The following DLG2 variants were observed in gnomAD, a reference collection of about 807,000 sequenced individuals.
The protein encoded by DLG2 is disks large homolog 2.
In DLG2, 45 loss-of-function variants were observed where a neutral mutation model predicts 132.5. The ratio of observed to expected loss-of-function variants is 0.34; its 90% CI spans 0.27 to 0.44. The LOEUF (loss-of-function observed/expected upper bound fraction) is 0.44. Among genes scored for constraint, DLG2 ranks in the 20% least tolerant of loss-of-function variants. The pLI is 1.00. For missense variants in DLG2, 1,045 were observed against 1,196.9 expected, an observed-to-expected ratio of 0.87 and a Z score of 1.87; for synonymous variants, 424 against 419.6, an observed-to-expected ratio of 1.01 and a Z score of -0.13.
At chr11:83,550,117 G>T (rs2096352442) in intron 19 of DLG2, among the ~76,000 whole-genome samples, 1 of 152,158 alleles carries the variant, frequency 6.6e-6, no homozygotes, top group South Asian at 2.1e-4. Flanking sequence ...ACAACAGACT[G>T]CTTCTATGTT....
intron 18 of DLG2, among the ~76,000 whole-genome samples, chr11:83,636,677 C>T (rs566666657): frequency 6.6e-6 from 1 of 152,272 alleles, no homozygotes; most frequent in Non-Finnish European, 1.5e-5. Context: ...GCTCTTGTAG[C>T]TGCCTCATTT....
intron 6 of DLG2, among the ~76,000 whole-genome samples, chr11:84,716,657 C>T (rs775799056): frequency 3.6e-4 from 54 of 151,046 alleles, no homozygotes; most frequent in Non-Finnish European, 6.6e-4. Flanking sequence ...CATGGCAAGC[C>T]CATTCCCATA....
At chr11:84,170,261 G>A (rs1001772551) in intron 8 of DLG2, among the ~76,000 whole-genome samples, 11 of 152,082 alleles carry the variant, frequency 7.2e-5, no homozygotes, top group Admixed American at 6.6e-5. Context: ...CCCATCTCAG[G>A]AAATTTTTGC....
chr11:84,801,043 G>C (rs886471796), intron 6 of DLG2, among the ~76,000 whole-genome samples: 42 of 152,128 alleles, frequency 2.8e-4, no homozygotes, highest in African/African-American at 1.0e-3. Context: ...TTATGTGCAA[G>C]TTTGTCTTAT....
At chr11:84,106,862 T>C in intron 9 of DLG2, among the ~76,000 whole-genome samples, 1 of 87,966 alleles carries the variant, frequency 1.1e-5, no homozygotes, top group Non-Finnish European at 2.6e-5. Context: ...TGTGTGTGTG[T>C]ATGTGTGAGA....
intron 4 of DLG2, among the ~76,000 whole-genome samples, chr11:85,281,568 A>T (rs1386895249): frequency 6.6e-6 from 1 of 152,060 alleles, no homozygotes; most frequent in Non-Finnish European, 1.5e-5. Flanking sequence ...CAACTCATTC[A>T]TATGCTCAAA....
intron 4 of DLG2, among the ~76,000 whole-genome samples, chr11:85,243,078 C>G (rs1452354337): frequency 1.3e-5 from 2 of 151,832 alleles, no homozygotes; most frequent in Non-Finnish European, 2.9e-5. Context: ...TTAATTTTAC[C>G]GCTCATAGCC....
At chr11:84,150,774 T>C (rs2095268890) in intron 9 of DLG2, among the ~76,000 whole-genome samples, 1 of 152,214 alleles carries the variant, frequency 6.6e-6, no homozygotes, top group South Asian at 2.1e-4. Context: ...TATTTTGAGG[T>C]ATGTTTCTTT....
At chr11:84,749,993 G>A (rs2065901351) in intron 6 of DLG2, among the ~76,000 whole-genome samples, 1 of 152,080 alleles carries the variant, frequency 6.6e-6, no homozygotes, top group Admixed American at 6.6e-5. Context: ...AAATATTTGT[G>A]TTTTTTAATG....
chr11:84,523,740 G>T (rs868170588), intron 7 of DLG2, among the ~76,000 whole-genome samples: 1 of 152,166 alleles, frequency 6.6e-6, no homozygotes, highest in Non-Finnish European at 1.5e-5. Context: ...TTTGGCAATA[G>T]TGAAATCTTA....
intron 6 of DLG2, among the ~76,000 whole-genome samples, chr11:84,624,875 T>TTTTTTTTTTTTTTA (rs1381895712): frequency 7.8e-6 from 1 of 127,424 alleles, no homozygotes; most frequent in African/African-American, 3.6e-5. Flanking sequence ...TTTTTTTTTT[T>TTTTTTTTTTTTTTA]GAGACGGAGT....
intron 3 of DLG2, among the ~76,000 whole-genome samples, chr11:85,384,902 G>A (rs887012865): frequency 4.6e-5 from 7 of 152,082 alleles, no homozygotes; most frequent in Admixed American, 2.0e-4. Context: ...CAATTTCCTC[G>A]TTTGTAAATT....
intron 3 of DLG2, among the ~76,000 whole-genome samples, chr11:85,536,435 C>T (rs183425287): frequency 6.6e-6 from 1 of 152,274 alleles, no homozygotes; most frequent in East Asian, 1.9e-4. Context: ...GAAACTAGAA[C>T]TAGAACCCTA....
At chr11:84,994,526 C>T (rs2057449058) in intron 6 of DLG2, among the ~76,000 whole-genome samples, 1 of 152,140 alleles carries the variant, frequency 6.6e-6, no homozygotes, top group Non-Finnish European at 1.5e-5. Flanking sequence ...CACCACCACT[C>T]TTATGTACCA....
At chr11:85,483,255 G>C (rs2093341413) in intron 3 of DLG2, among the ~76,000 whole-genome samples, 1 of 152,202 alleles carries the variant, frequency 6.6e-6, no homozygotes, top group Non-Finnish European at 1.5e-5. Context: ...AATAAGGCTA[G>C]CAACAAATTT....
At chr11:84,665,768 T>C (rs1424248622) in intron 6 of DLG2, among the ~76,000 whole-genome samples, 2 of 152,162 alleles carry the variant, frequency 1.3e-5, no homozygotes, top group Non-Finnish European at 2.9e-5. Flanking sequence ...ATTTCACTTA[T>C]TTTTAAATTT....
intron 6 of DLG2, among the ~76,000 whole-genome samples, chr11:84,599,907 T>C (rs535320263): frequency 3.2e-4 from 49 of 151,098 alleles, no homozygotes; most frequent in Admixed American, 1.9e-3. Context: ...TGGTGCACAC[T>C]TGTAGTCCCA....
chr11:85,425,543 T>C (rs2090648299), intron 3 of DLG2, among the ~76,000 whole-genome samples: 1 of 152,162 alleles, frequency 6.6e-6, no homozygotes, highest in South Asian at 2.1e-4. Context: ...TTTTAGAATG[T>C]AACTTGTCAA....
intron 15 of DLG2, among the ~76,000 whole-genome samples, chr11:83,886,408 T>C (rs907310322): frequency 1.3e-5 from 2 of 152,192 alleles, no homozygotes; most frequent in African/African-American, 4.8e-5. Context: ...CTATCCAAAA[T>C]GTACATGCAC....
Sources: gnomAD v4.1 joint callset for allele counts (sites outside exome capture counted in the v4.1 genomes callset) on GRCh38, gnomAD v4.1.1 for gene constraint, MANE v1.5 for transcripts, NCBI Gene and HGNC (gene_info 2026-07-23, HGNC 2026-07-21) for gene names.